Variants in RBFOX3 observed in about 807,000 individuals in gnomAD.
RBFOX3 encodes RNA binding fox-1 homolog 3, also known as RNA binding protein fox-1 homolog 3.
RBFOX3 carries 17 observed loss-of-function variants against 48.7 expected under a neutral mutation model. The ratio of observed to expected loss-of-function variants is 0.35; its 90% CI spans 0.24 to 0.52. The LOEUF (loss-of-function observed/expected upper bound fraction) is 0.52. RBFOX3 is among the 20% of genes least tolerant of loss of function. The pLI is 0.94. For synonymous variants in RBFOX3, 212 were observed against 209.5 expected, an observed-to-expected ratio of 1.01 and a Z score of -0.10; for missense variants, 382 against 497.5, an observed-to-expected ratio of 0.77 and a Z score of 2.21.
intron 3 of RBFOX3, among the ~76,000 whole-genome samples, chr17:79,256,443 TC>T (rs1287715615): frequency 6.6e-6 from 1 of 152,230 alleles, no homozygotes; most frequent in African/African-American, 2.4e-5. Flanking sequence ...AGCATGAGTG[TC>T]CCTAAATCAA....
intron 1 of RBFOX3, among the ~76,000 whole-genome samples, chr17:79,550,988 A>G (rs1599129488): frequency 6.6e-6 from 1 of 152,262 alleles, no homozygotes; most frequent in African/African-American, 2.4e-5. Context: ...TGCACTGTCC[A>G]GTGTGGTAGC....
intron 2 of RBFOX3, among the ~76,000 whole-genome samples, chr17:79,369,951 C>T (rs1225668334): frequency 6.6e-6 from 1 of 152,174 alleles, no homozygotes; most frequent in Non-Finnish European, 1.5e-5. Context: ...CACTGGGCTG[C>T]AGGTGCACAT....
intron 1 of RBFOX3, among the ~76,000 whole-genome samples, chr17:79,522,929 C>CAAAAAAAA (rs34245309): frequency 3.1e-5 from 1 of 31,976 alleles, no homozygotes. Flanking sequence ...GACTCCGTCT[C>CAAAAAAAA]AAAAAAAAAA....
chr17:79,198,730 A>T lies in RBFOX3; in HGVS notation c.-34+37036T>A, dbSNP rs2056212879. ...AACCTCCACCTTCCGGGTTCAAGCG[A>T]TTCTCCTGCCTCAGCCTCCCAAGTA... On this transcript the variant is annotated intron_variant, in intron 4 of 14. Coordinates refer to ENST00000693108, the MANE Select transcript of RBFOX3 (RefSeq NM_001350451.2). This position sits in a 1 kb window ranked among gnomAD's most constrained non-coding sequence, Gnocchi z 8.2. Among the ~76,000 whole-genome samples, 1 of 151,548 alleles carries T rather than the reference A, an allele frequency of 6.6e-6. No homozygotes were observed. Among genetic ancestry groups the T allele is most frequent in the Admixed American group, 6.6e-5 (1 of 15,202 alleles).
intron 4 of RBFOX3, among the ~76,000 whole-genome samples, chr17:79,145,598 G>T (rs1021355473): frequency 6.6e-6 from 1 of 152,326 alleles, no homozygotes; most frequent in Admixed American, 6.5e-5. Context: ...TTCCTTCTGG[G>T]GGCGCAGAGG....
intron 1 of RBFOX3, among the ~76,000 whole-genome samples, chr17:79,522,017 C>T (rs1292471834): frequency 1.3e-5 from 2 of 152,170 alleles, no homozygotes; most frequent in Non-Finnish European, 2.9e-5. Context: ...TGGTGACAGG[C>T]TGACCTTCAC....
At chr17:79,117,402 A>G (rs924098996) in intron 4 of RBFOX3, among the ~76,000 whole-genome samples, 2 of 151,984 alleles carry the variant, frequency 1.3e-5, no homozygotes, top group Admixed American at 1.3e-4. Flanking sequence ...CTGCGCCTCC[A>G]CCCCACGCTC....
intron 2 of RBFOX3, among the ~76,000 whole-genome samples, chr17:79,379,687 A>G (rs1439299858): frequency 6.6e-6 from 1 of 152,146 alleles, no homozygotes; most frequent in Admixed American, 6.5e-5. Flanking sequence ...TGAGGGCCAC[A>G]CAGCTCAGCC....
intron 1 of RBFOX3, among the ~76,000 whole-genome samples, chr17:79,538,448 G>T (rs533499737): frequency 1.3e-5 from 2 of 152,218 alleles, no homozygotes; most frequent in Non-Finnish European, 2.9e-5. Flanking sequence ...GTTTGGCCTT[G>T]CGGGAGGCAG....
At chr17:79,540,605 C>T (rs1437912065) in intron 1 of RBFOX3, among the ~76,000 whole-genome samples, 2 of 152,202 alleles carry the variant, frequency 1.3e-5, no homozygotes, top group African/African-American at 4.8e-5. Flanking sequence ...AGGGCCCGGG[C>T]CCTGCTTCCA....
intron 2 of RBFOX3, among the ~76,000 whole-genome samples, chr17:79,463,359 TCGCCAC>T (rs1263809515): frequency 2.6e-5 from 1 of 38,122 alleles, no homozygotes; most frequent in African/African-American, 1.1e-4. Context: ...TCCACCGCCA[TCGCCAC>T]CGCCAGTGCC....
intron 10 of RBFOX3, 43 bp downstream of exon 10, chr17:79,097,649 A>C (rs1208453289): frequency 6.1e-6 from 9 of 1,464,284 alleles, no homozygotes; most frequent in Non-Finnish European, 7.5e-6. Context: ...CACGGGGCCA[A>C]GTAGCTGGTC....
intron 4 of RBFOX3, among the ~76,000 whole-genome samples, chr17:79,152,041 G>A (rs889042018): frequency 1.3e-5 from 2 of 151,978 alleles, no homozygotes; most frequent in South Asian, 4.1e-4. Flanking sequence ...AGCAGGAGGG[G>A]TGATGGGAGG....
chr17:79,372,013 C>T (rs1203548283), intron 2 of RBFOX3, among the ~76,000 whole-genome samples: 1 of 152,142 alleles, frequency 6.6e-6, no homozygotes, highest in East Asian at 1.9e-4. Flanking sequence ...GCAGACGCTT[C>T]AGTTACAGGC....
intron 1 of RBFOX3, among the ~76,000 whole-genome samples, chr17:79,571,082 C>T (rs1220130113): frequency 2.0e-5 from 3 of 152,170 alleles, no homozygotes; most frequent in South Asian, 2.1e-4. Context: ...TCCACGTCCC[C>T]GGCCCTGGCC....
At chr17:79,112,912 G>GT (rs1356523273) in intron 5 of RBFOX3, among the ~76,000 whole-genome samples, 5 of 135,930 alleles carry the variant, frequency 3.7e-5, no homozygotes, top group Non-Finnish European at 3.2e-5. Context: ...CTCGGGGGGG[G>GT]GGTGGGCTGG....
chr17:79,307,739 T>C lies in RBFOX3; in HGVS notation c.-89A>G, dbSNP rs893622691. The C allele has an allele frequency of 1.3e-5, 2 of 153,724 alleles. No homozygotes were observed. Among genetic ancestry groups the C allele is most frequent in the African/African-American group, 4.8e-5 (2 of 41,448 alleles). 9.5% of individuals were successfully genotyped at this position (153,724 alleles called of 1,614,324 possible). A position where few individuals can be genotyped will look rare whatever the true frequency, so the allele number is the denominator to read the frequency against. On this transcript the variant is annotated 5_prime_UTR_variant, in exon 3 of 15. Coordinates refer to ENST00000693108, the MANE Select transcript of RBFOX3 (RefSeq NM_001350451.2). Reference sequence around the variant, plus strand: ...TGGTTCTTACCTGTTTGCAGAGGGATGGCTCCAGGAGCAGGTTCCCAGCTG... The same window carrying C: ...TGGTTCTTACCTGTTTGCAGAGGGACGGCTCCAGGAGCAGGTTCCCAGCTG...
chr17:79,358,908 G>A (rs922009496), intron 2 of RBFOX3, among the ~76,000 whole-genome samples: 1 of 152,216 alleles, frequency 6.6e-6, no homozygotes, highest in Non-Finnish European at 1.5e-5. Flanking sequence ...TTGGGAACCA[G>A]AACAAAGTAT....
chr17:79,490,991 C>A, intron 1 of RBFOX3, among the ~76,000 whole-genome samples: 1 of 139,316 alleles, frequency 7.2e-6, no homozygotes. Context: ...GGTGTTCTGG[C>A]TTCCTAGGGC....
Sources: gnomAD v4.1 joint callset for allele counts (sites outside exome capture counted in the v4.1 genomes callset) on GRCh38, gnomAD v4.1.1 for gene constraint, Gnocchi (gnomAD v3.1) non-coding constraint, MANE v1.5 for transcripts, NCBI Gene and HGNC (gene_info 2026-07-23, HGNC 2026-07-21) for gene names.